Variants in MYO9A observed in about 807,000 individuals in gnomAD.
MYO9A encodes unconventional myosin-IXa.
MYO9A carries 103 observed loss-of-function variants against 293.3 expected under a neutral mutation model. The ratio of observed to expected loss-of-function variants is 0.35; its 90% CI spans 0.30 to 0.41. The LOEUF (loss-of-function observed/expected upper bound fraction) is 0.41, where lower values mean the gene tolerates loss of function less well. Among genes scored for constraint, MYO9A ranks in the 10% least tolerant of loss-of-function variants. The pLI is 1.00. For missense variants in MYO9A, 2,685 were observed against 3,033.0 expected (o/e 0.89, Z 2.69); for synonymous variants, 1,001 against 1,035.7 (o/e 0.97, Z 0.64).
At chr15:71,878,740 A>ATTTTTTTTTTTTTTTTTTT in intron 30 of MYO9A, among the ~76,000 whole-genome samples, 1 of 108,624 alleles carries the variant, frequency 9.2e-6, no homozygotes, top group Non-Finnish European at 1.8e-5. Context: ...GAGATCTGGA[A>ATTTTTTTTTTTTTTTTTTT]TTTTTTTTTT....
chr15:72,030,235 G>A (rs932364569), intron 3 of MYO9A, among the ~76,000 whole-genome samples: 1 of 152,178 alleles, frequency 6.6e-6, no homozygotes, highest in African/African-American at 2.4e-5. Context: ...ACATGAATAT[G>A]TTAAATCCTC....
intron 27 of MYO9A, among the ~76,000 whole-genome samples, chr15:71,885,151 T>C (rs972473057): frequency 5.3e-5 from 8 of 152,062 alleles, no homozygotes; most frequent in African/African-American, 1.9e-4. Flanking sequence ...TGTGCTTCTG[T>C]AACTATCATA....
chr15:71,997,806 A>G (rs935032947), intron 9 of MYO9A, among the ~76,000 whole-genome samples: 1 of 152,156 alleles, frequency 6.6e-6, no homozygotes, highest in African/African-American at 2.4e-5. Context: ...CTATTGTTAA[A>G]AAGTCAGAAA....
At chr15:71,999,735 T>C in intron 9 of MYO9A, 116 bp downstream of exon 9, 1 of 680,934 alleles carries the variant, frequency 1.5e-6, no homozygotes, top group South Asian at 2.3e-5. Flanking sequence ...AGAAAATATT[T>C]CAATCAAAAC....
Position 71,822,472 on chromosome 15 carries a change from T to C in MYO9A, c.*4108A>G, listed in dbSNP as rs1457739549. 6.6e-5 allele frequency: 10 copies of C among 152,210 alleles called. No homozygotes were observed. The allele number at this position is 152,210 out of a possible 1,614,324, so 9.4% of individuals were successfully genotyped here. On this transcript the variant is annotated 3_prime_UTR_variant, in exon 42 of 42. Coordinates refer to ENST00000356056, the MANE Select transcript of MYO9A (RefSeq NM_006901.4). ...CAAAAAGGAAATTACAAAGTGCCTA[T>C]TGATTGCATCCGGAATGTAATCAGT...
chr15:71,935,225 C>A, intron 17 of MYO9A, 116 bp downstream of exon 17: 1 of 1,126,948 alleles, frequency 8.9e-7, no homozygotes, highest in East Asian at 2.5e-5. Flanking sequence ...AGTCAAAATT[C>A]TTCCCATGAA....
chr15:71,918,826 A>G (rs900438398), intron 18 of MYO9A, among the ~76,000 whole-genome samples: 14 of 152,250 alleles, frequency 9.2e-5, no homozygotes, highest in African/African-American at 3.1e-4. Flanking sequence ...AAATAAAATA[A>G]CTATTAGAAA....
Position 71,904,906 on chromosome 15 carries a change from C to A in MYO9A, c.2766+20G>T. ...TGAAGTAAGCTGAGATATGTGCTCT[C>A]ATTTATAGGACATTTTTACCTTTTC... On this transcript the variant is annotated intron_variant, in intron 20 of 41. Transcript: ENST00000356056. The A allele has an allele frequency of 6.3e-7, 1 of 1,575,256 alleles. No individual in the cohort carries two copies. The highest frequency in any genetic ancestry group is 2.3e-5 in the East Asian group (1 of 44,220).
intron 1 of MYO9A, among the ~76,000 whole-genome samples, chr15:72,062,440 C>T (rs1267781295): frequency 6.6e-6 from 1 of 152,118 alleles, no homozygotes; most frequent in Non-Finnish European, 1.5e-5. Flanking sequence ...GGAAACTCAA[C>T]AAAACTCAAG....
intron 1 of MYO9A, among the ~76,000 whole-genome samples, chr15:72,103,591 A>G (rs970222887): frequency 4.0e-5 from 6 of 151,352 alleles, no homozygotes; most frequent in Admixed American, 6.6e-5. Flanking sequence ...CAGAAGCAGC[A>G]GAAGCAGTGG....
At chr15:71,945,850 G>A (rs1006164343) in intron 15 of MYO9A, among the ~76,000 whole-genome samples, 1 of 152,138 alleles carries the variant, frequency 6.6e-6, no homozygotes, top group African/African-American at 2.4e-5. Flanking sequence ...AATAACTATG[G>A]AGTTTGCTGT....
At chr15:72,029,592 C>T (rs1362246061) in intron 3 of MYO9A, among the ~76,000 whole-genome samples, 1 of 152,138 alleles carries the variant, frequency 6.6e-6, no homozygotes. Flanking sequence ...GTGTATGACC[C>T]AAGTTACGTA....
In MYO9A at chr15:71,859,963, C is replaced by T. The variant is rs376201868; in HGVS notation, c.6092-167G>A. Reference sequence around the variant, plus strand: ...TGGTGTAATTAAAAAGAATTTTAACCCATTCTATTGGGTATAATGAAGTTG... The same window carrying T: ...TGGTGTAATTAAAAAGAATTTTAACTCATTCTATTGGGTATAATGAAGTTG... On this transcript the variant is annotated intron_variant, in intron 33 of 41. Transcript: ENST00000356056. 3.9e-5 allele frequency among the ~76,000 whole-genome samples: 6 copies of T among 152,046 alleles called. No homozygotes were observed. In the East Asian group the frequency reaches 1.2e-3, roughly 29 times the overall value.
At chr15:71,878,971 G>A (rs2142414756) in intron 30 of MYO9A, among the ~76,000 whole-genome samples, 2 of 151,982 alleles carry the variant, frequency 1.3e-5, no homozygotes, top group South Asian at 4.2e-4. Flanking sequence ...TGCCCAGGCT[G>A]GTCTTGAACT....
At chr15:72,038,376 T>G (rs575727137) in intron 2 of MYO9A, among the ~76,000 whole-genome samples, 5 of 152,214 alleles carry the variant, frequency 3.3e-5, no homozygotes, top group African/African-American at 1.2e-4. Context: ...ACAAAAAATA[T>G]CCACCACGAA....
At chr15:71,906,936 T>C (rs967251029) in intron 19 of MYO9A, among the ~76,000 whole-genome samples, 1 of 150,162 alleles carries the variant, frequency 6.7e-6, no homozygotes, top group Non-Finnish European at 1.5e-5. Flanking sequence ...CTAATTTTTT[T>C]TTTCTTTTTT....
At position 71,842,974 on chromosome 15, in the gene MYO9A, TA is replaced by T. The variant is rs200797444; in HGVS notation, c.6837+5870del. Among the ~76,000 whole-genome samples, 707 of 151,750 alleles carry T rather than the reference TA, an allele frequency of 4.7e-3. 7 individuals are homozygous for T. The Middle Eastern group carries it at 0.062, about 13-fold the overall frequency. On this transcript the variant is annotated intron_variant, in intron 39 of 41. Coordinates refer to ENST00000356056, the MANE Select transcript of MYO9A (RefSeq NM_006901.4). ...AGGATCAATGTTAGACTCTTTTAGT[TA>T]AAAAAAAGACCTTTTCCCCTCTCTG... is the stretch of plus-strand genomic sequence containing the variant.
intron 2 of MYO9A, 126 bp downstream of exon 2, chr15:72,045,598 A>G: frequency 9.2e-7 from 1 of 1,089,518 alleles, no homozygotes; most frequent in South Asian, 1.9e-5. Flanking sequence ...GAGATGGAAC[A>G]GTATCTTGCT....
intron 12 of MYO9A, among the ~76,000 whole-genome samples, chr15:71,975,622 A>T (rs1289353732): frequency 1.3e-5 from 2 of 152,134 alleles, no homozygotes; most frequent in Non-Finnish European, 2.9e-5. Context: ...TACCTGCCCA[A>T]GGCAGGTCTC....
Sources: gnomAD v4.1 joint callset for allele counts (sites outside exome capture counted in the v4.1 genomes callset) on GRCh38, gnomAD v4.1.1 for gene constraint, MANE v1.5 for transcripts, NCBI Gene and HGNC (gene_info 2026-07-23, HGNC 2026-07-21) for gene names.